KIAA2012: variants seen among roughly 807,000 people sequenced by gnomAD.
KIAA2012 encodes the protein uncharacterized protein KIAA2012.
Under a neutral mutation model 150.6 loss-of-function variants are expected in KIAA2012, and 125 were observed. The ratio of observed to expected loss-of-function variants is 0.83; its 90% CI spans 0.72 to 0.96. The LOEUF is 0.96. Ranked by LOEUF, KIAA2012 falls within the 40% of genes least tolerant of loss-of-function variation. The pLI, the probability that KIAA2012 is intolerant of heterozygous loss-of-function variation, is 0.00. For missense variants in KIAA2012, 1,219 were observed against 1,354.9 expected, an observed-to-expected ratio of 0.90 and a Z score of 1.57; for synonymous variants, 462 against 504.7, an observed-to-expected ratio of 0.92 and a Z score of 1.13.
intron 2 of KIAA2012, among the ~76,000 whole-genome samples, chr2:202,075,619 G>T (rs1053818088): frequency 6.6e-6 from 1 of 152,130 alleles, no homozygotes; most frequent in East Asian, 1.9e-4. Context: ...GCCCTTCAGC[G>T]TCTGCAGGAT....
chr2:202,204,470 G>T (rs1275122112), intron 23 of KIAA2012, among the ~76,000 whole-genome samples: 1 of 152,058 alleles, frequency 6.6e-6, no homozygotes, highest in Non-Finnish European at 1.5e-5. Context: ...TAGCATACAA[G>T]TTATATAAAA....
chr2:202,170,805 GGCAGCAGTTCACAC>G (rs1399950117), intron 15 of KIAA2012, among the ~76,000 whole-genome samples: 3 of 152,172 alleles, frequency 2.0e-5, no homozygotes, highest in African/African-American at 7.2e-5. Context: ...ATCAAGAGAA[GGCAGCAGTTCACAC>G]TCCCTGTGTG....
rs1274712221 is a variant in KIAA2012, at chr2:202,196,928, C to T, written c.3316C>T (p.Arg1106Trp). 3.9e-6 allele frequency: 6 copies of T among 1,550,434 alleles called. No individual in the cohort carries two copies. The highest frequency in any genetic ancestry group is 5.2e-6 in the Non-Finnish European group (6 of 1,146,988). Residue 1106 changes from arginine (R) to tryptophan (W), a missense_variant, in exon 22 of 24, where the codon CGG (arginine) becomes TGG (tryptophan). By Grantham distance (101) the Arg-to-Trp change is moderately radical (BLOSUM62 -3). Transcript: ENST00000498697. The part of the protein sequence containing the change: ...RRKQEAEEKA[R>W]LEAEERRQKE... The stretch of plus-strand genomic sequence containing the variant: ...GAAACAGGAAGCAGAAGAGAAGGCT[C>T]GGCTGGAGGCAGAGGAGAGGAGGCA...
chr2:202,098,847 A>G (rs1254600920), intron 5 of KIAA2012, among the ~76,000 whole-genome samples: 1 of 150,882 alleles, frequency 6.6e-6, no homozygotes, highest in Non-Finnish European at 1.5e-5. Context: ...CAGGATAACA[A>G]TTGTTCAGAG....
chr2:202,143,075 A>ATTTTTTTTTTTTTTTTT (rs59488285), intron 13 of KIAA2012, among the ~76,000 whole-genome samples: 17 of 124,986 alleles, frequency 1.4e-4, no homozygotes, highest in Non-Finnish European at 1.6e-4. Flanking sequence ...CACTGGTTTA[A>ATTTTTTTTTTTTTTTTT]TTTTTTTTTT....
At chr2:202,202,660 G>T (rs186599944) in intron 23 of KIAA2012, 73 bp downstream of exon 23, 1 of 396,012 alleles carries the variant, frequency 2.5e-6, no homozygotes, top group Non-Finnish European at 4.5e-6. Context: ...AGGCACGGTG[G>T]CTCATGCATG....
chr2:202,105,871 C>T lies in KIAA2012; in HGVS notation c.1435C>T (p.Leu479Phe), dbSNP rs1433661403. 6.4e-7 allele frequency: 1 copy of T among 1,550,902 alleles called. No individual in the cohort carries two copies. The highest frequency in any genetic ancestry group is 8.7e-7 in the Non-Finnish European group (1 of 1,147,060). ...AACACCATGGGAGTTAACAGTGCAT[C>T]TCCCAGTGGACGCGAGCAGGGACAC... is the stretch of plus-strand genomic sequence containing the variant. ...LETPWELTVH[L>F]PVDASRDTLS... The change falls in exon 9 of 24, where the codon CTC (leucine) becomes TTC (phenylalanine). Residue 479 changes from leucine (L) to phenylalanine (F), a missense_variant. Physicochemically the swap from Leu to Phe is conservative, Grantham distance 22. Transcript: ENST00000498697.
chr2:202,181,699 T>C (rs1380210746), intron 15 of KIAA2012, among the ~76,000 whole-genome samples: 1 of 152,214 alleles, frequency 6.6e-6, no homozygotes, highest in African/African-American at 2.4e-5. Context: ...TCATTAGATA[T>C]ACATGAAAGC....
chr2:202,121,484 C>T (rs899010571), intron 11 of KIAA2012, among the ~76,000 whole-genome samples: 1 of 152,088 alleles, frequency 6.6e-6, no homozygotes, highest in African/African-American at 2.4e-5. Context: ...TTGACTCCTT[C>T]GATACAATAT....
At chr2:202,108,547 G>T (rs540346264) in intron 9 of KIAA2012, among the ~76,000 whole-genome samples, 1 of 152,070 alleles carries the variant, frequency 6.6e-6, no homozygotes, top group Non-Finnish European at 1.5e-5. Context: ...TCATGACATC[G>T]ACATTTTTGA....
At position 202,149,212 on chromosome 2, in the gene KIAA2012, G is replaced by A. The variant is rs187874759; in HGVS notation, c.1909-5461G>A. Among the ~76,000 whole-genome samples, 373 of 152,256 alleles carry A rather than the reference G, an allele frequency of 2.4e-3. 3 individuals are homozygous for A. The highest frequency in any genetic ancestry group is 2.8e-3 in the Non-Finnish European group (192 of 68,030). ...CCCCTGGGACTCAGAGCCAACCAAG[G>A]GGAGTCAAAGGACAGACTATCAGCC... On this transcript the variant is annotated intron_variant, in intron 13 of 23. Coordinates refer to ENST00000498697, the MANE Select transcript of KIAA2012 (RefSeq NM_001277372.4).
intron 2 of KIAA2012, among the ~76,000 whole-genome samples, chr2:202,085,944 C>T (rs571331882): frequency 1.8e-4 from 28 of 151,846 alleles, no homozygotes; most frequent in African/African-American, 5.8e-4. Flanking sequence ...CCGAGGCAGG[C>T]GGATCACGAG....
intron 3 of KIAA2012, among the ~76,000 whole-genome samples, chr2:202,091,971 G>A (rs1689736616): frequency 6.6e-6 from 1 of 152,200 alleles, no homozygotes; most frequent in African/African-American, 2.4e-5. Flanking sequence ...CACAGTTATA[G>A]GCAGTTCCAT....
chr2:202,137,823 A>G (rs1194354838), intron 12 of KIAA2012: 1 of 152,826 alleles, frequency 6.5e-6, no homozygotes, highest in Non-Finnish European at 1.5e-5. Context: ...GAGGGGAGTC[A>G]TGGCCATCAC....
intron 15 of KIAA2012, among the ~76,000 whole-genome samples, chr2:202,167,008 T>TA (rs202220892): frequency 0.017 from 2,649 of 151,936 alleles, 59 homozygotes; most frequent in African/African-American, 0.053. Flanking sequence ...CTGTCTCTAC[T>TA]AAAAAATACA....
chr2:202,095,205 T>A (rs1011641793), intron 4 of KIAA2012, among the ~76,000 whole-genome samples: 1 of 152,240 alleles, frequency 6.6e-6, no homozygotes, highest in East Asian at 1.9e-4. Flanking sequence ...CAAAAAAAAA[T>A]CTATTTTAAA....
rs1461690006 is a variant in KIAA2012, at chr2:202,160,306, A to G, written c.2047-4978A>G. Reference sequence around the variant, plus strand: ...AACACAAGATACTTTATGATTTTTCATAAGGTCTTTTTTTTTTTTTTTTTT... The same window carrying G: ...AACACAAGATACTTTATGATTTTTCGTAAGGTCTTTTTTTTTTTTTTTTTT... On this transcript the variant is annotated intron_variant, in intron 14 of 23. Transcript: ENST00000498697. 4.0e-5 allele frequency among the ~76,000 whole-genome samples: 6 copies of G among 148,500 alleles called. No individual in the cohort carries two copies. The Admixed American group carries it at 4.1e-4, about 10-fold the overall frequency.
intron 12 of KIAA2012, among the ~76,000 whole-genome samples, chr2:202,125,639 G>A (rs1340044916): frequency 6.6e-6 from 1 of 152,138 alleles, no homozygotes; most frequent in Non-Finnish European, 1.5e-5. Context: ...CTGGAGTCGT[G>A]CATCCCTCAG....
chr2:202,194,286 G>A lies in KIAA2012; in HGVS notation c.3111G>A (p.Arg1037=). The change falls in exon 21 of 24, where the codon CGG becomes CGA. Residue 1037 remains arginine (R), a synonymous_variant. Transcript: ENST00000498697. ...TGAAAGCAGCCCAGGAGAGAGCCCG[G>A]CAACAGCAAGAGGAGTTTCGGAGGA... ...LRLKAAQERA[R]QQQEEFRRKL... is the part of the protein sequence containing the mutation. The A allele has an allele frequency of 1.3e-6, 2 of 1,550,612 alleles. No homozygotes were observed. Among genetic ancestry groups the A allele is most frequent in the Non-Finnish European group, 1.7e-6 (2 of 1,147,004 alleles).
Sources: gnomAD v4.1 joint callset for allele counts (sites outside exome capture counted in the v4.1 genomes callset) on GRCh38, gnomAD v4.1.1 for gene constraint, MANE v1.5 for transcripts, NCBI Gene and HGNC (gene_info 2026-07-23, HGNC 2026-07-21) for gene names.